Variants in NRXN3 observed in about 807,000 individuals in gnomAD.
NRXN3 encodes neurexin 3.
NRXN3 carries 32 observed loss-of-function variants against 137.6 expected under a neutral mutation model. The observed-to-expected ratio is 0.23, with a 90% CI of 0.18 to 0.31. NRXN3 has a LOEUF of 0.31. Among genes scored for constraint, NRXN3 ranks in the 10% least tolerant of loss-of-function variants. NRXN3 has a pLI of 1.00. For missense variants in NRXN3, 1,574 were observed against 2,062.5 expected, an observed-to-expected ratio of 0.76 and a Z score of 4.59; for synonymous variants, 798 against 784.5, an observed-to-expected ratio of 1.02 and a Z score of -0.29.
At chr14:79,263,944 TTA>T (rs2078033302) in intron 15 of NRXN3, among the ~76,000 whole-genome samples, 1 of 152,164 alleles carries the variant, frequency 6.6e-6, no homozygotes, top group Non-Finnish European at 1.5e-5. Context: ...CAGATGAGCT[TTA>T]AGATTCTCTC....
chr14:78,652,172 G>A (rs2097751693), intron 6 of NRXN3, among the ~76,000 whole-genome samples: 1 of 152,152 alleles, frequency 6.6e-6, no homozygotes, highest in Non-Finnish European at 1.5e-5. Flanking sequence ...GTGTTCCCAA[G>A]GGTCTCATAG....
chr14:78,380,496 G>C (rs1053215414), intron 4 of NRXN3, among the ~76,000 whole-genome samples: 2 of 152,030 alleles, frequency 1.3e-5, no homozygotes, highest in African/African-American at 2.4e-5. Context: ...CACACACACA[G>C]GAGTACACAG....
At chr14:79,068,884 T>C (rs2202171) in intron 15 of NRXN3, among the ~76,000 whole-genome samples, 50,192 of 151,632 alleles carry the variant, frequency 0.33, 8,810 homozygotes, top group Admixed American at 0.47. Context: ...TGGTGGGAGG[T>C]TTCAGGGGAA....
At chr14:78,621,652 G>C (rs902603568) in intron 4 of NRXN3, among the ~76,000 whole-genome samples, 1 of 152,072 alleles carries the variant, frequency 6.6e-6, no homozygotes, top group Non-Finnish European at 1.5e-5. Context: ...CAATTAGGAG[G>C]CATTAGTGTA....
At chr14:78,571,111 A>G (rs2096885436) in intron 4 of NRXN3, among the ~76,000 whole-genome samples, 1 of 152,184 alleles carries the variant, frequency 6.6e-6, no homozygotes, top group Non-Finnish European at 1.5e-5. Flanking sequence ...TCTTCCACAT[A>G]TGGTTCTCAG....
chr14:78,247,411 T>C (rs1398577827), intron 2 of NRXN3, among the ~76,000 whole-genome samples: 9 of 152,198 alleles, frequency 5.9e-5, no homozygotes, highest in Admixed American at 5.9e-4. Flanking sequence ...GCGGACTGAA[T>C]TCCACACAGC....
At chr14:79,818,560 A>AAC (rs2099260371) in intron 20 of NRXN3, among the ~76,000 whole-genome samples, 1 of 151,974 alleles carries the variant, frequency 6.6e-6, no homozygotes, top group African/African-American at 2.4e-5. Context: ...AGAAAGCAAA[A>AAC]AACAACAACA....
rs1337226507 is a variant in NRXN3, at chr14:78,679,525, ATG to A, written c.1221+28200_1221+28201del. On this transcript the variant is annotated intron_variant, in intron 6 of 20. Transcript: ENST00000335750. ...CTCTTAATTAATTAATTTCAATTTG[ATG>A]AATTAACTTTAATAACATGCTAATG... Among the ~76,000 whole-genome samples, 4 of 152,226 alleles carry A rather than the reference ATG, an allele frequency of 2.6e-5. No homozygotes were observed. In the East Asian group the frequency reaches 7.7e-4, roughly 29 times the overall value.
intron 10 of NRXN3, among the ~76,000 whole-genome samples, chr14:78,891,560 TG>T (rs1234333022): frequency 1.6e-4 from 24 of 152,072 alleles, no homozygotes; most frequent in African/African-American, 5.3e-4. Context: ...ATATATTACA[TG>T]GGTTAACTGA....
At chr14:78,888,179 C>G (rs918814888) in intron 10 of NRXN3, among the ~76,000 whole-genome samples, 12 of 152,186 alleles carry the variant, frequency 7.9e-5, no homozygotes, top group African/African-American at 2.9e-4. Flanking sequence ...TGGAGGCCTT[C>G]AGGCTTTGAT....
chr14:79,488,521 G>T (rs2096679718), intron 16 of NRXN3, among the ~76,000 whole-genome samples: 1 of 152,118 alleles, frequency 6.6e-6, no homozygotes, highest in Admixed American at 6.6e-5. Flanking sequence ...GAGCAGAAGT[G>T]GATAAAATTA....
intron 16 of NRXN3, among the ~76,000 whole-genome samples, chr14:79,634,566 A>C (rs1028350796): frequency 6.6e-6 from 1 of 152,234 alleles, no homozygotes; most frequent in Non-Finnish European, 1.5e-5. Flanking sequence ...ACTCACAGAA[A>C]CATAAAGTTG....
At chr14:79,134,487 G>T (rs907152719) in intron 15 of NRXN3, among the ~76,000 whole-genome samples, 1 of 152,184 alleles carries the variant, frequency 6.6e-6, no homozygotes, top group Non-Finnish European at 1.5e-5. Context: ...TTGGACTGAG[G>T]CTAACCGAGG....
chr14:79,641,059 G>T (rs1231948495), intron 16 of NRXN3, among the ~76,000 whole-genome samples: 1 of 133,778 alleles, frequency 7.5e-6, no homozygotes, highest in East Asian at 2.0e-4. Context: ...CCAGGCTGGA[G>T]TGCAGTGGTA....
At chr14:78,328,175 C>G (rs1414273101) in intron 4 of NRXN3, among the ~76,000 whole-genome samples, 1 of 152,180 alleles carries the variant, frequency 6.6e-6, no homozygotes, top group East Asian at 1.9e-4. Context: ...TCATAGCTCT[C>G]TACAGGGAAG....
intron 4 of NRXN3, among the ~76,000 whole-genome samples, chr14:78,552,002 A>C (rs918270): frequency 0.24 from 35,898 of 152,006 alleles, 4,527 homozygotes; most frequent in Middle Eastern, 0.32. Context: ...CAGCATTTGA[A>C]AGCCAGGCCC....
At chr14:79,800,803 C>T (rs1386618759) in intron 19 of NRXN3, among the ~76,000 whole-genome samples, 1 of 152,130 alleles carries the variant, frequency 6.6e-6, no homozygotes, top group Non-Finnish European at 1.5e-5. Flanking sequence ...TAAAAGAAAG[C>T]CCTGGGTTTT....
intron 15 of NRXN3, among the ~76,000 whole-genome samples, chr14:79,087,716 C>T (rs2048391592): frequency 6.6e-6 from 1 of 152,148 alleles, no homozygotes. Flanking sequence ...CCAATCAAAA[C>T]CAATGCTCCC....
chr14:78,678,686 C>A lies in NRXN3; in HGVS notation c.1221+27360C>A, dbSNP rs8008533. Among the ~76,000 whole-genome samples, 578 of 152,134 alleles carry A rather than the reference C, an allele frequency of 3.8e-3. 6 individuals carry two copies. The highest frequency in any genetic ancestry group is 0.013 in the African/African-American group (527 of 41,510). On this transcript the variant is annotated intron_variant, in intron 6 of 20. Transcript: ENST00000335750. ...ATAAATCAAATAATGTAGTATAAAC[C>A]AACTCAATATAGTGTAAGCCAGATT... is the stretch of plus-strand genomic sequence containing the variant.
Sources: allele counts gnomAD v4.1 joint callset (sites outside exome capture counted in the v4.1 genomes callset), GRCh38; gene constraint gnomAD v4.1.1; transcripts MANE v1.5; gene names NCBI Gene and HGNC (gene_info 2026-07-23, HGNC 2026-07-21).